Variants in PTP4A2 observed in about 807,000 individuals in gnomAD.
PTP4A2 encodes protein tyrosine phosphatase 4A2.
PTP4A2 carries 2 observed loss-of-function variants against 22.9 expected under a neutral mutation model. The ratio of observed to expected loss-of-function variants is 0.09; its 90% CI spans 0.04 to 0.27. The LOEUF (loss-of-function observed/expected upper bound fraction) is 0.27, where lower values mean the gene tolerates loss of function less well. PTP4A2 is among the 10% of genes least tolerant of loss of function. The pLI is 1.00. For missense variants in PTP4A2, 103 were observed against 205.1 expected, an observed-to-expected ratio of 0.50 and a Z score of 3.04; for synonymous variants, 68 against 69.1, an observed-to-expected ratio of 0.98 and a Z score of 0.08.
At chr1:31,922,196 A>G (rs1428371029) in intron 1 of PTP4A2, among the ~76,000 whole-genome samples, 1 of 152,208 alleles carries the variant, frequency 6.6e-6, no homozygotes, top group Non-Finnish European at 1.5e-5. Flanking sequence ...TAAAAAATAA[A>G]AAAGTTGGCC....
Position 31,918,998 on chromosome 1 carries a change from G to A in PTP4A2, c.68C>T (p.Thr23Ile). Residue 23 changes from threonine to isoleucine, a missense_variant, in exon 2 of 6, where the codon ACC (threonine) becomes ATC (isoleucine). Coordinates refer to ENST00000647444, the MANE Select transcript of PTP4A2 (RefSeq NM_080391.4). ...TGTGAACTTGTTGAGAGTAGCATTG[G>A]TAGGGTTGTGAGTTATCAGAAAACG... ...NMRFLITHNP[T>I]NATLNKFTEE... The A allele has an allele frequency of 6.2e-7, 1 of 1,603,276 alleles. No individual in the cohort carries two copies. Among genetic ancestry groups the A allele is most frequent in the Non-Finnish European group, 8.5e-7 (1 of 1,170,294 alleles).
At chr1:31,909,208 T>C (rs540600360) in intron 5 of PTP4A2, among the ~76,000 whole-genome samples, 2 of 152,304 alleles carry the variant, frequency 1.3e-5, no homozygotes, top group African/African-American at 4.8e-5. Flanking sequence ...AAGATCAGAA[T>C]AGTTTCTACT....
intron 1 of PTP4A2, among the ~76,000 whole-genome samples, chr1:31,936,617 A>G (rs923582933): frequency 2.0e-5 from 3 of 152,194 alleles, no homozygotes; most frequent in African/African-American, 7.2e-5. Flanking sequence ...CTACTTTTAC[A>G]ACACAAGAAT....
intron 1 of PTP4A2, among the ~76,000 whole-genome samples, chr1:31,919,975 A>C (rs1470568876): frequency 6.7e-6 from 1 of 149,758 alleles, no homozygotes; most frequent in Non-Finnish European, 1.5e-5. Context: ...AAAAATACAC[A>C]ATTAGCCAGG....
chr1:31,923,975 T>C (rs185767037), intron 1 of PTP4A2: 2 of 151,070 alleles, frequency 1.3e-5, no homozygotes, highest in South Asian at 2.1e-4. Context: ...CAAAGAACAA[T>C]AGTTTGCATG....
chr1:31,914,746 G>A (rs1202568049), intron 3 of PTP4A2, among the ~76,000 whole-genome samples: 1 of 152,166 alleles, frequency 6.6e-6, no homozygotes, highest in African/African-American at 2.4e-5. Flanking sequence ...ACTTAGGGAA[G>A]AAAGAATAAA....
At chr1:31,936,580 T>C (rs1260848468) in intron 1 of PTP4A2, among the ~76,000 whole-genome samples, 1 of 152,212 alleles carries the variant, frequency 6.6e-6, no homozygotes, top group African/African-American at 2.4e-5. Flanking sequence ...GTAAAATCCC[T>C]ATCAAGGTAC....
At chr1:31,935,038 A>G (rs1003984716) in intron 1 of PTP4A2, among the ~76,000 whole-genome samples, 1 of 152,226 alleles carries the variant, frequency 6.6e-6, no homozygotes, top group African/African-American at 2.4e-5. Flanking sequence ...CTGTAGTTCA[A>G]TTTATAATTA....
chr1:31,926,620 G>A (rs1652477760), intron 1 of PTP4A2, among the ~76,000 whole-genome samples: 1 of 152,068 alleles, frequency 6.6e-6, no homozygotes, highest in Non-Finnish European at 1.5e-5. Flanking sequence ...TCCTCCTGAA[G>A]AGCTAGGCAT....
At chr1:31,916,058 A>T (rs1013353763) in intron 2 of PTP4A2, 71 bp from the exon 3 acceptor site, 5 of 1,070,794 alleles carry the variant, frequency 4.7e-6, no homozygotes, top group Non-Finnish European at 6.8e-6. Flanking sequence ...GAAATGTACT[A>T]TTATAGGCCG....
At chr1:31,912,717 C>G (rs1208706942) in intron 3 of PTP4A2, among the ~76,000 whole-genome samples, 1 of 152,114 alleles carries the variant, frequency 6.6e-6, no homozygotes, top group South Asian at 2.1e-4. Context: ...TGCAAAAACA[C>G]TGTTAGGAAT....
Position 31,913,417 on chromosome 1 carries a change from T to A in PTP4A2, c.190-1591A>T, listed in dbSNP as rs577476834. Among the ~76,000 whole-genome samples the A allele has an allele frequency of 1.7e-4, 26 of 152,364 alleles. 1 individual carries two copies. The highest frequency in any genetic ancestry group is 5.3e-4 in the African/African-American group (22 of 41,592). On this transcript the variant is annotated intron_variant, in intron 3 of 5. Transcript: ENST00000647444. ...TTGTTTTTAATGACTTATTTTCCTC[T>A]GGGTAGATACCCAGTAATGGGATTG...
At chr1:31,920,950 A>G (rs1652122319) in intron 1 of PTP4A2, among the ~76,000 whole-genome samples, 1 of 152,130 alleles carries the variant, frequency 6.6e-6, no homozygotes, top group Admixed American at 6.5e-5. Context: ...TGGGTAGAGG[A>G]TATTAATCAA....
chr1:31,916,381 C>CAA (rs764595609), intron 2 of PTP4A2, among the ~76,000 whole-genome samples: 3,521 of 127,702 alleles, frequency 0.028, 156 homozygotes, highest in Middle Eastern at 0.077. Context: ...AAGAAATCTA[C>CAA]TATTATAAAT....
intron 1 of PTP4A2, among the ~76,000 whole-genome samples, chr1:31,929,994 G>A (rs1652647382): frequency 1.3e-5 from 2 of 152,142 alleles, no homozygotes; most frequent in Non-Finnish European, 2.9e-5. Context: ...TACAGCACAG[G>A]AGTAGCATGC....
chr1:31,906,763 C>CACACACACAT lies in PTP4A2; in HGVS notation c.*2088_*2089insATGTGTGTGT, dbSNP rs1651189991. ...ACACACACACACACACATACACACA[C>CACACACACAT]ACACACACACACACACACACACACC... On this transcript the variant is annotated 3_prime_UTR_variant, in exon 6 of 6. Transcript: ENST00000647444. 1.4e-5 allele frequency: 2 copies of CACACACACAT among 139,868 alleles called. No homozygotes were observed. Among genetic ancestry groups the CACACACACAT allele is most frequent in the East Asian group, 4.9e-4 (2 of 4,084 alleles). 8.7% of individuals were successfully genotyped at this position (139,868 alleles called of 1,614,324 possible).
intron 3 of PTP4A2, chr1:31,914,374 A>AT (rs749737749): frequency 9.8e-6 from 4 of 407,432 alleles, no homozygotes; most frequent in East Asian, 1.5e-4. Flanking sequence ...CCTAAAACAC[A>AT]TTTTTTTAAA....
chr1:31,922,872 T>G (rs1652253378), intron 1 of PTP4A2, among the ~76,000 whole-genome samples: 1 of 151,826 alleles, frequency 6.6e-6, no homozygotes, highest in Non-Finnish European at 1.5e-5. Flanking sequence ...ACCTCCTGCC[T>G]CGGCCTCCCA....
At position 31,919,256 on chromosome 1, in the gene PTP4A2, G is replaced by A. The variant is rs1423429255; in HGVS notation, c.-191C>T. Reference sequence around the variant, plus strand: ...AGCTTCTCTCTTCAAGATAAGCAAAGTATTTAGAATCCACTTGAATCCAAA... The same window carrying A: ...AGCTTCTCTCTTCAAGATAAGCAAAATATTTAGAATCCACTTGAATCCAAA... On this transcript the variant is annotated 5_prime_UTR_variant, in exon 2 of 6. Coordinates refer to ENST00000647444, the MANE Select transcript of PTP4A2 (RefSeq NM_080391.4). The A allele has an allele frequency of 2.7e-6, 1 of 365,004 alleles. No individual in the cohort carries two copies. The highest frequency in any genetic ancestry group is 5.1e-6 in the Non-Finnish European group (1 of 197,034). The allele number at this position is 365,004 out of a possible 1,614,324, so 22.6% of individuals were successfully genotyped here.
Sources: gnomAD v4.1 joint callset for allele counts (sites outside exome capture counted in the v4.1 genomes callset) on GRCh38, gnomAD v4.1.1 for gene constraint, MANE v1.5 for transcripts, NCBI Gene and HGNC (gene_info 2026-07-23, HGNC 2026-07-21) for gene names.